Variants in ZNF469 observed in about 807,000 individuals in gnomAD.
ZNF469 encodes the protein zinc finger protein 469.
A neutral mutation model predicts 1.0 loss-of-function variants in ZNF469; 1 was observed. That is an observed-to-expected ratio of 1.00 (90% CI 0.35 to 4.73). The LOEUF is 4.73. Among genes scored for constraint, ZNF469 ranks in the 30% most tolerant of loss-of-function variants. The pLI is 0.16. For synonymous variants in ZNF469, 2,703 were observed against 2,363.4 expected (o/e 1.14, Z -4.17); for missense variants, 6,100 against 5,356.3 (o/e 1.14, Z -4.33).
Position 88,428,045 on chromosome 16 carries a change from C to T in ZNF469, c.575C>T (p.Thr192Ile), listed in dbSNP as rs1324224654. 2 of 1,549,772 alleles carry T rather than the reference C, an allele frequency of 1.3e-6. No homozygotes were observed. The highest frequency in any genetic ancestry group is 8.7e-7 in the Non-Finnish European group (1 of 1,146,718). ...TTCCAGGAGCCACCCTCCAGCTTTA[C>T]CTCCACCAACTATACCTCACCAAGC... ...RCFQEPPSSF[T>I]STNYTSPSAT... Residue 192 changes from threonine to isoleucine, a missense_variant, in exon 3 of 3, where the codon ACC becomes ATC. Thr to Ile is a moderately conservative substitution (Grantham distance 89, BLOSUM62 -1). Transcript: ENST00000565624.
chr16:88,403,931 G>A (rs917704760), intron 1 of ZNF469, among the ~76,000 whole-genome samples: 16 of 152,248 alleles, frequency 1.1e-4, no homozygotes, highest in African/African-American at 3.9e-4. Flanking sequence ...CTTCCCACCA[G>A]CTCAGCTCTG....
At chr16:88,174,476 GTCTA>G in the ZNF469 span, among the ~76,000 whole-genome samples, 12,326 of 99,788 alleles carry the variant, frequency 0.12, 983 homozygotes, top group African/African-American at 0.14. Context: ...CTGTCTGTCT[GTCTA>G]TCTATCTATC....
chr16:88,310,564 T>A, the ZNF469 span, among the ~76,000 whole-genome samples: 3 of 94,010 alleles, frequency 3.2e-5, no homozygotes, highest in South Asian at 8.7e-4. Flanking sequence ...CTTCATTTTA[T>A]TTTTTTTTTT....
the ZNF469 span, among the ~76,000 whole-genome samples, chr16:88,149,589 C>T: frequency 6.6e-6 from 1 of 152,108 alleles, no homozygotes; most frequent in East Asian, 1.9e-4. Flanking sequence ...TGCACTCAGT[C>T]CAAAAGTAGC....
chr16:88,118,670 C>T, the ZNF469 span, among the ~76,000 whole-genome samples: 2 of 152,220 alleles, frequency 1.3e-5, no homozygotes, highest in African/African-American at 4.8e-5. Context: ...CTACGGCTTC[C>T]TTAGCAGAGG....
chr16:88,285,949 G>A, the ZNF469 span, among the ~76,000 whole-genome samples: 6 of 152,216 alleles, frequency 3.9e-5, no homozygotes, highest in African/African-American at 1.2e-4. Context: ...TGTGAAGGCC[G>A]CTCACTCTGG....
rs1906027879 is a variant in ZNF469, at chr16:88,430,081, G to A, written c.2611G>A (p.Glu871Lys). ...DSSFIDVFAD[E>K]EPSGPRGPSS... Reference sequence around the variant, plus strand: ...CAGCTTCATCGACGTCTTCGCGGACGAGGAGCCTTCCGGCCCCAGAGGTCC... The same window carrying A: ...CAGCTTCATCGACGTCTTCGCGGACAAGGAGCCTTCCGGCCCCAGAGGTCC... The change falls in exon 3 of 3, where the codon GAG becomes AAG. Residue 871 changes from glutamate (E) to lysine (K), a missense_variant. Physicochemically the swap from Glu to Lys is moderately conservative, Grantham distance 56. Transcript: ENST00000565624. 18 of 1,550,196 alleles carry A rather than the reference G, an allele frequency of 1.2e-5. No individual in the cohort carries two copies. The highest frequency in any genetic ancestry group is 1.4e-5 in the Non-Finnish European group (16 of 1,146,964).
chr16:88,263,671 G>C, the ZNF469 span, among the ~76,000 whole-genome samples: 1 of 152,146 alleles, frequency 6.6e-6, no homozygotes, highest in Non-Finnish European at 1.5e-5. Context: ...TTTTCCGGGG[G>C]GTCCAGAGTC....
chr16:88,384,834 C>T (rs1567497165), intron 1 of ZNF469, among the ~76,000 whole-genome samples: 1 of 152,154 alleles, frequency 6.6e-6, no homozygotes, highest in Non-Finnish European at 1.5e-5. Flanking sequence ...ATCAGCGCTT[C>T]AGTCTCCACC....
At chr16:88,156,808 C>T in the ZNF469 span, among the ~76,000 whole-genome samples, 1 of 151,854 alleles carries the variant, frequency 6.6e-6, no homozygotes, top group African/African-American at 2.4e-5. Flanking sequence ...ACTGTGCAGG[C>T]AGAGGCTTCA....
In ZNF469 at chr16:88,438,658, C is replaced by G; in HGVS notation, c.11188C>G (p.Pro3730Ala). The change falls in exon 3 of 3, where the codon CCC becomes GCC. Residue 3730 changes from proline to alanine, a missense_variant. Pro to Ala is a conservative substitution (Grantham distance 27, BLOSUM62 -1). Coordinates refer to ENST00000565624, the MANE Select transcript of ZNF469 (RefSeq NM_001367624.2). Reference sequence around the variant, plus strand: ...CGCCACCCCCAAAGCCAAACCCGGCCCCAGCTCCCAGGGCAGTGGAAGCCC... The same window carrying G: ...CGCCACCCCCAAAGCCAAACCCGGCGCCAGCTCCCAGGGCAGTGGAAGCCC... ...KPATPKAKPG[P>A]SSQGSGSPRP... The G allele has an allele frequency of 1.9e-6, 3 of 1,550,094 alleles. No homozygotes were observed. Among genetic ancestry groups the G allele is most frequent in the Non-Finnish European group, 2.6e-6 (3 of 1,146,880 alleles).
At chr16:88,371,568 G>A in the ZNF469 span, among the ~76,000 whole-genome samples, 11 of 152,234 alleles carry the variant, frequency 7.2e-5, no homozygotes, top group Non-Finnish European at 1.3e-4. Flanking sequence ...GCTCCACCCC[G>A]GTTCTAGATC....
the ZNF469 span, among the ~76,000 whole-genome samples, chr16:88,313,706 A>C: frequency 2.0e-5 from 3 of 151,978 alleles, no homozygotes; most frequent in Non-Finnish European, 4.4e-5. Flanking sequence ...TCATCTCTGT[A>C]ATTCAGGCAG....
chr16:88,434,210 A>G lies in ZNF469; in HGVS notation c.6740A>G (p.Asp2247Gly). The G allele has an allele frequency of 1.3e-6, 2 of 1,550,330 alleles. No individual in the cohort carries two copies. The highest frequency in any genetic ancestry group is 1.7e-6 in the Non-Finnish European group (2 of 1,146,960). The part of the protein sequence containing the change: ...TCTHSGDTPK[D>G]STLRIPEDSR... ...ACTCACAGTGGGGACACCCCCAAAG[A>G]CAGCACTTTAAGAATTCCAGAGGAT... The change falls in exon 3 of 3, where the codon GAC (aspartate) becomes GGC (glycine). Residue 2247 changes from aspartate (D) to glycine (G), a missense_variant. Asp to Gly is a moderately conservative substitution (Grantham distance 94). Coordinates refer to ENST00000565624, the MANE Select transcript of ZNF469 (RefSeq NM_001367624.2).
chr16:88,440,740 A>C lies in ZNF469; in HGVS notation c.*1408A>C, dbSNP rs983807609. On this transcript the variant is annotated 3_prime_UTR_variant, in exon 3 of 3. Coordinates refer to ENST00000565624, the MANE Select transcript of ZNF469 (RefSeq NM_001367624.2). ...TTGTCTTTTCAAATATATTCCCACTATTTTCGCAGAAAACCTCCAGCTGCG... is the reference window on the plus strand; with the variant it reads ...TTGTCTTTTCAAATATATTCCCACTCTTTTCGCAGAAAACCTCCAGCTGCG... 2.0e-5 allele frequency: 3 copies of C among 151,738 alleles called. No individual in the cohort carries two copies. The highest frequency in any genetic ancestry group is 7.3e-5 in the African/African-American group (3 of 41,252). The allele number at this position is 151,738 out of a possible 1,614,324, so 9.4% of individuals were successfully genotyped here. A position where few individuals can be genotyped will look rare whatever the true frequency, so the allele number is the denominator to read the frequency against.
the ZNF469 span, among the ~76,000 whole-genome samples, chr16:88,198,124 G>A: frequency 2.6e-5 from 4 of 152,252 alleles, no homozygotes; most frequent in South Asian, 4.1e-4. Context: ...CCTGCTGTGT[G>A]CCCAGCCCTG....
At chr16:88,379,648 G>A (rs977343431), upstream of ZNF469, among the ~76,000 whole-genome samples, 4 of 152,100 alleles carry the variant, frequency 2.6e-5, no homozygotes, top group African/African-American at 9.7e-5. Flanking sequence ...AGGCGTGGCA[G>A]CAGCCCCTGC....
chr16:88,161,321 T>A, the ZNF469 span, among the ~76,000 whole-genome samples: 1 of 152,072 alleles, frequency 6.6e-6, no homozygotes, highest in Admixed American at 6.5e-5. Context: ...ATATTCTCCC[T>A]AAACGGCGAC....
At chr16:88,292,831 A>C in the ZNF469 span, among the ~76,000 whole-genome samples, 1 of 151,294 alleles carries the variant, frequency 6.6e-6, no homozygotes, top group Non-Finnish European at 1.5e-5. Flanking sequence ...CTCTAACAGA[A>C]TTTGATTTCC....
Sources: allele counts gnomAD v4.1 joint callset (sites outside exome capture counted in the v4.1 genomes callset), GRCh38; gene constraint gnomAD v4.1.1; transcripts MANE v1.5; gene names NCBI Gene and HGNC (gene_info 2026-07-23, HGNC 2026-07-21).